PROSER2: variants seen among roughly 807,000 people sequenced by gnomAD.
The protein encoded by PROSER2 is proline and serine rich 2, also known as proline and serine-rich protein 2.
In PROSER2, 18 loss-of-function variants were observed where a neutral mutation model predicts 14.6. The ratio of observed to expected loss-of-function variants is 1.23; its 90% confidence interval spans 0.85 to 1.83. PROSER2 has a LOEUF of 1.83. Among genes scored for constraint, PROSER2 ranks in the 40% most tolerant of loss-of-function variants. PROSER2 has a pLI of 0.00. For synonymous variants in PROSER2, 367 were observed against 286.4 expected, an observed-to-expected ratio of 1.28 and a Z score of -2.84; for missense variants, 823 against 629.8, an observed-to-expected ratio of 1.31 and a Z score of -3.28.
rs531001248 is a variant in PROSER2, at chr10:11,865,661, C to A, written c.139-870C>A. Among the ~76,000 whole-genome samples, 1 of 152,310 alleles carries A rather than the reference C, an allele frequency of 6.6e-6. No homozygotes were observed. The highest frequency in any genetic ancestry group is 2.1e-4 in the South Asian group (1 of 4,824). On this transcript the variant is annotated intron_variant, in intron 2 of 3. Transcript: ENST00000277570. The surrounding 1 kb of genome is among the most constrained non-coding windows in gnomAD (Gnocchi z 4.2). Reference sequence around the variant, plus strand: ...CCTCGGGTTCCCCAGAGATGACATGCACAGTCCTCCATCTGGAGGGCGGTC... The same window carrying A: ...CCTCGGGTTCCCCAGAGATGACATGAACAGTCCTCCATCTGGAGGGCGGTC...
At position 11,837,420 on chromosome 10, in the gene PROSER2, G is replaced by T. The variant is rs1490012769; in HGVS notation, c.-82+13950G>T. Among the ~76,000 whole-genome samples the T allele has an allele frequency of 6.6e-6, 1 of 152,220 alleles. No homozygotes were observed. The highest frequency in any genetic ancestry group is 2.4e-5 in the African/African-American group (1 of 41,458). ...ACGAGCTCCGATTGCTGGCAGACGG[G>T]TTGGGATTGGTGCTGTCTGCAGATC... On this transcript the variant is annotated intron_variant, in intron 1 of 3. Coordinates refer to ENST00000277570, the MANE Select transcript of PROSER2 (RefSeq NM_153256.4). This position sits in a 1 kb window ranked among gnomAD's most constrained non-coding sequence, Gnocchi z 4.6.
Position 11,844,810 on chromosome 10 carries a change from C to T in PROSER2, c.-81-7187C>T, listed in dbSNP as rs566752457. 2.6e-5 allele frequency among the ~76,000 whole-genome samples: 4 copies of T among 152,246 alleles called. No homozygotes were observed. The South Asian group carries it at 8.3e-4, about 32-fold the overall frequency. ...CTAATACTTGTGTTTTTACTAGAGA[C>T]AGGGTTTCACCATGTTGGCCAGGCT... On this transcript the variant is annotated intron_variant, in intron 1 of 3. Coordinates refer to ENST00000277570, the MANE Select transcript of PROSER2 (RefSeq NM_153256.4).
chr10:11,861,654 G>A (rs1834240965), intron 2 of PROSER2, among the ~76,000 whole-genome samples: 1 of 152,294 alleles, frequency 6.6e-6, no homozygotes, highest in African/African-American at 2.4e-5. Context: ...CCTGTGGCCC[G>A]TAGCTGCCCC....
rs1011986667 is a variant in PROSER2 at position 11,843,859 on chromosome 10, A to G, written c.-81-8138A>G. ...AGAGTGAAACTCCATCTCAAAAAAA[A>G]GAATATTTTTATAGTACATATAGAT... On this transcript the variant is annotated intron_variant, in intron 1 of 3. Coordinates refer to ENST00000277570, the MANE Select transcript of PROSER2 (RefSeq NM_153256.4). Among the ~76,000 whole-genome samples the G allele has an allele frequency of 1.9e-4, 29 of 152,124 alleles. No homozygotes were observed. In the East Asian group the frequency reaches 4.6e-3, roughly 24 times the overall value.
chr10:11,830,472 A>G lies in PROSER2; in HGVS notation c.-82+7002A>G, dbSNP rs1460869339. Among the ~76,000 whole-genome samples the G allele has an allele frequency of 2.0e-5, 3 of 152,182 alleles. No individual in the cohort carries two copies. The highest frequency in any genetic ancestry group is 4.8e-5 in the African/African-American group (2 of 41,438). ...TGATTCTGTGACGGTTACTGTGAAC[A>G]GCGCCGCGGTAAAGATGCAAGTGCA... On this transcript the variant is annotated intron_variant, in intron 1 of 3. Coordinates refer to ENST00000277570, the MANE Select transcript of PROSER2 (RefSeq NM_153256.4). This position sits in a 1 kb window ranked among gnomAD's most constrained non-coding sequence, Gnocchi z 4.5.
At chr10:11,847,225 G>GCT (rs951320311) in intron 1 of PROSER2, among the ~76,000 whole-genome samples, 1 of 148,940 alleles carries the variant, frequency 6.7e-6, no homozygotes, top group African/African-American at 2.5e-5. Context: ...TTCCTCTACA[G>GCT]CTATTGCCTC....
chr10:11,859,970 C>T (rs1834202984), intron 2 of PROSER2, among the ~76,000 whole-genome samples: 1 of 152,236 alleles, frequency 6.6e-6, no homozygotes, highest in African/African-American at 2.4e-5. Context: ...CAGATTCTCC[C>T]TGCCGAGGGC....
intron 2 of PROSER2, among the ~76,000 whole-genome samples, chr10:11,861,315 C>T (rs1227095932): frequency 2.6e-5 from 4 of 152,140 alleles, no homozygotes; most frequent in African/African-American, 7.2e-5. Context: ...TAACCATGCA[C>T]GCCGTGTTTC....
rs1463856721 is a variant in PROSER2, at chr10:11,869,279, T to A, written c.392-211T>A. ...GTCTGACTTGCAGGGCTATCGTGATTGTCCCTTATCAGCGTGAGGTCATGA... is the reference window on the plus strand; with the variant it reads ...GTCTGACTTGCAGGGCTATCGTGATAGTCCCTTATCAGCGTGAGGTCATGA... On this transcript the variant is annotated intron_variant, in intron 3 of 3. Transcript: ENST00000277570. This position sits in a 1 kb window ranked among gnomAD's most constrained non-coding sequence, Gnocchi z 4.4. 8.4e-6 allele frequency: 5 copies of A among 597,590 alleles called. No individual in the cohort carries two copies. The East Asian group carries it at 1.4e-4, about 17-fold the overall frequency. The allele number at this position is 597,590 out of a possible 1,614,324, so 37.0% of individuals were successfully genotyped here. A position where few individuals can be genotyped will look rare whatever the true frequency, so the allele number is the denominator to read the frequency against.
intron 2 of PROSER2, among the ~76,000 whole-genome samples, chr10:11,858,995 C>CGA (rs1201188315): frequency 8.7e-6 from 1 of 115,182 alleles, no homozygotes; most frequent in Non-Finnish European, 1.7e-5. Context: ...GGCAACAAAG[C>CGA]GAGACTCTGT....
At chr10:11,857,873 A>G (rs1257047067) in intron 2 of PROSER2, among the ~76,000 whole-genome samples, 1 of 151,956 alleles carries the variant, frequency 6.6e-6, no homozygotes, top group African/African-American at 2.4e-5. Flanking sequence ...GCTGCTTCAC[A>G]TTTTTTAAAT....
Position 11,852,103 on chromosome 10 carries a change from A to T in PROSER2, c.26A>T (p.Asp9Val). The change falls in exon 2 of 4, where the codon GAC becomes GTC. Residue 9 changes from aspartate (D) to valine (V), a missense_variant. Asp to Val is a radical substitution (Grantham distance 152, BLOSUM62 -3). Coordinates refer to ENST00000277570, the MANE Select transcript of PROSER2 (RefSeq NM_153256.4). ...ATGCCTGTAACCCACCGGAAATCAG[A>T]CGCATCTGACATGAACTCAGACACG... MPVTHRKS[D>V]ASDMNSDTSP... 2.5e-6 allele frequency: 4 copies of T among 1,612,474 alleles called. No individual in the cohort carries two copies. In the South Asian group the frequency reaches 4.4e-5, roughly 18 times the overall value.
At position 11,866,769 on chromosome 10, in the gene PROSER2, G is replaced by C; in HGVS notation, c.377G>C (p.Gly126Ala). The C allele has an allele frequency of 6.2e-7, 1 of 1,611,570 alleles. No individual in the cohort carries two copies. The highest frequency in any genetic ancestry group is 1.8e-4 in the Middle Eastern group (1 of 5,560). The change falls in exon 3 of 4, where the codon GGG becomes GCG. Residue 126 changes from glycine to alanine, a missense_variant. By Grantham distance (60) the Gly-to-Ala change is moderately conservative. Coordinates refer to ENST00000277570, the MANE Select transcript of PROSER2 (RefSeq NM_153256.4). This position sits in a 1 kb window ranked among gnomAD's most constrained non-coding sequence, Gnocchi z 6.0. ...GGGGAAGCCGAGGGCCTTCCAGAGG[G>C]GACCCAGGCAGCAGGTGAGGGGGAA... The part of the protein sequence containing the change: ...GAGEAEGLPE[G>A]TQAAGPAPAG...
intron 3 of PROSER2, among the ~76,000 whole-genome samples, chr10:11,868,801 C>A (rs1834403879): frequency 6.6e-6 from 1 of 152,176 alleles, no homozygotes; most frequent in Admixed American, 6.5e-5. Context: ...TAGGCACACG[C>A]CACCACGCCC....
In PROSER2 at chr10:11,871,495, C is replaced by T. The variant is rs761293160; in HGVS notation, c.*1089C>T. 7 of 152,120 alleles carry T rather than the reference C, an allele frequency of 4.6e-5. No individual in the cohort carries two copies. The highest frequency in any genetic ancestry group is 1.2e-4 in the African/African-American group (5 of 41,402). The allele number at this position is 152,120 out of a possible 1,614,324, so 9.4% of individuals were successfully genotyped here. On this transcript the variant is annotated 3_prime_UTR_variant, in exon 4 of 4. Coordinates refer to ENST00000277570, the MANE Select transcript of PROSER2 (RefSeq NM_153256.4). ...CATCCAATTTTAGTTCTGCATGTTCCGAGGTAGCCAGTCAACAGAAGGAAG... is the reference window on the plus strand; with the variant it reads ...CATCCAATTTTAGTTCTGCATGTTCTGAGGTAGCCAGTCAACAGAAGGAAG...
rs781052985 is a variant in PROSER2 at position 11,869,489 on chromosome 10, G to A, written c.392-1G>A. On this transcript the variant is annotated splice_acceptor_variant, in intron 3 of 3. Coordinates refer to ENST00000277570, the MANE Select transcript of PROSER2 (RefSeq NM_153256.4). LOFTEE classifies it high-confidence loss of function. The surrounding 1 kb of genome is among the most constrained non-coding windows in gnomAD (Gnocchi z 4.4). ...TCACAGGCTCCTCCCTTGTCTTCCA[G>A]GGCCTGCACCTGCTGGGAAGGAGCA... The A allele has an allele frequency of 6.2e-7, 1 of 1,612,242 alleles. No individual in the cohort carries two copies. The highest frequency in any genetic ancestry group is 1.1e-5 in the South Asian group (1 of 91,046).
At chr10:11,847,706 A>G (rs2131065671) in intron 1 of PROSER2, among the ~76,000 whole-genome samples, 1 of 152,320 alleles carries the variant, frequency 6.6e-6, no homozygotes, top group South Asian at 2.1e-4. Context: ...GGCGTGAGCC[A>G]CCATGCCCAG....
intron 1 of PROSER2, among the ~76,000 whole-genome samples, chr10:11,844,146 C>T (rs960183986): frequency 6.6e-6 from 1 of 151,942 alleles, no homozygotes; most frequent in Non-Finnish European, 1.5e-5. Flanking sequence ...CATGTCCTGC[C>T]GTGCCTGGCT....
rs542086749 is a variant in PROSER2, at chr10:11,872,075, T to C, written c.*1669T>C. 2 of 152,350 alleles carry C rather than the reference T, an allele frequency of 1.3e-5. No individual in the cohort carries two copies. Among genetic ancestry groups the C allele is most frequent in the African/African-American group, 4.8e-5 (2 of 41,584 alleles). The allele number at this position is 152,350 out of a possible 1,614,324, so 9.4% of individuals were successfully genotyped here. A position where few individuals can be genotyped will look rare whatever the true frequency, so the allele number is the denominator to read the frequency against. The stretch of plus-strand genomic sequence containing the variant: ...GGATTTATAAGGGCTGTGTTTGCTC[T>C]TTACAAGGCAAGATGCCATACAGTG... On this transcript the variant is annotated 3_prime_UTR_variant, in exon 4 of 4. Transcript: ENST00000277570.
Sources: allele counts gnomAD v4.1 joint callset (sites outside exome capture counted in the v4.1 genomes callset), GRCh38; gene constraint gnomAD v4.1.1; non-coding constraint Gnocchi (gnomAD v3.1); transcripts MANE v1.5; gene names NCBI Gene and HGNC (gene_info 2026-07-23, HGNC 2026-07-21).